The following HTT-AS variants were observed in gnomAD, a reference collection of about 807,000 sequenced individuals.
HTT-AS encodes the protein HTT antisense RNA.
downstream of HTT-AS, among the ~76,000 whole-genome samples, chr4:3,046,726 G>A (rs974945719): frequency 5.9e-5 from 9 of 151,700 alleles, no homozygotes; most frequent in Admixed American, 3.9e-4. Context: ...ATGCTGGAAC[G>A]TCCTGTTTAT....
chr4:3,061,889 G>T (rs187964554), intron 2 of HTT-AS, among the ~76,000 whole-genome samples: 1 of 150,698 alleles, frequency 6.6e-6, no homozygotes, highest in Admixed American at 6.6e-5. Context: ...GGCTGAGGCA[G>T]GAGAATGGCG....
downstream of HTT-AS, among the ~76,000 whole-genome samples, chr4:3,047,720 C>T (rs560426291): frequency 2.7e-3 from 410 of 152,344 alleles, 1 homozygote; most frequent in Middle Eastern, 0.01. Context: ...GGCCTGACAT[C>T]AGTCAGGCCC....
chr4:3,067,810 T>C (rs1186512237), intron 1 of HTT-AS, among the ~76,000 whole-genome samples: 3 of 152,150 alleles, frequency 2.0e-5, no homozygotes, highest in Non-Finnish European at 4.4e-5. Context: ...AGCCTGTTGC[T>C]AGGTTACCAA....
intron 1 of HTT-AS, among the ~76,000 whole-genome samples, chr4:3,068,305 C>CAAAA (rs759119862): frequency 7.6e-5 from 1 of 13,080 alleles, no homozygotes; most frequent in African/African-American, 2.2e-4. Flanking sequence ...GACTCTGTCT[C>CAAAA]AAAAAAAAAA....
At position 3,052,990 on chromosome 4, in the gene HTT-AS, G is replaced by A. The variant is rs1329127031; in HGVS notation, n.1381-3292C>T. Among the ~76,000 whole-genome samples, 4 of 151,002 alleles carry A rather than the reference G, an allele frequency of 2.6e-5. No homozygotes were observed. In the East Asian group the frequency reaches 5.9e-4, roughly 22 times the overall value. On this transcript the variant is annotated intron_variant and non_coding_transcript_variant, in intron 2 of 2. Coordinates refer to ENST00000664062, the Ensembl canonical transcript of HTT-AS. ...CAGCCTGGTGACAGAGCAAGACTCC[G>A]TCTCAAAAAAAAAAAAGAGACCCTT...
At chr4:3,046,962 G>C (rs1711598386), downstream of HTT-AS, among the ~76,000 whole-genome samples, 1 of 152,168 alleles carries the variant, frequency 6.6e-6, no homozygotes, top group East Asian at 1.9e-4. Flanking sequence ...GCCAAGGCAA[G>C]ACCCCGAGGG....
intron 2 of HTT-AS, among the ~76,000 whole-genome samples, chr4:3,058,463 C>T (rs1711852282): frequency 6.6e-6 from 1 of 152,174 alleles, no homozygotes; most frequent in Non-Finnish European, 1.5e-5. Context: ...GCTGTGAGAA[C>T]AACCAGAGAT....
At chr4:3,049,906 T>TCACA (rs57430954) in intron 2 of HTT-AS, among the ~76,000 whole-genome samples, 3,535 of 134,666 alleles carry the variant, frequency 0.026, 53 homozygotes, top group Middle Eastern at 0.038. Context: ...TTGTAAGTTA[T>TCACA]CACACACACA....
intron 2 of HTT-AS, among the ~76,000 whole-genome samples, chr4:3,058,970 T>C (rs1355172166): frequency 6.6e-6 from 1 of 152,160 alleles, no homozygotes; most frequent in Non-Finnish European, 1.5e-5. Flanking sequence ...TACAGCCGCG[T>C]TGGCCTCCCA....
chr4:3,056,560 T>C (rs1160141209), intron 2 of HTT-AS, among the ~76,000 whole-genome samples: 4 of 152,210 alleles, frequency 2.6e-5, no homozygotes, highest in African/African-American at 9.6e-5. Flanking sequence ...TACAGAGTCC[T>C]TCTCAGGCCA....
At chr4:3,071,745 T>C (rs1375124716) in intron 1 of HTT-AS, among the ~76,000 whole-genome samples, 2 of 152,084 alleles carry the variant, frequency 1.3e-5, no homozygotes, top group African/African-American at 4.8e-5. Context: ...GGGTGGGCCA[T>C]AATCCGACTG....
intron 1 of HTT-AS, among the ~76,000 whole-genome samples, chr4:3,069,184 C>T (rs373299969): frequency 1.5e-4 from 22 of 150,206 alleles, no homozygotes; most frequent in African/African-American, 4.9e-4. Flanking sequence ...CTCACTTTGT[C>T]ACCCAGGCTG....
At chr4:3,058,413 C>G (rs770369054) in intron 2 of HTT-AS, among the ~76,000 whole-genome samples, 5 of 152,002 alleles carry the variant, frequency 3.3e-5, no homozygotes, top group East Asian at 1.9e-4. Flanking sequence ...GGTGGGAGTG[C>G]CTTTTAGCAT....
At chr4:3,070,636 C>G (rs73086145) in intron 1 of HTT-AS, among the ~76,000 whole-genome samples, 13,379 of 152,002 alleles carry the variant, frequency 0.088, 911 homozygotes, top group African/African-American at 0.19. Flanking sequence ...GAATGGGGGA[C>G]GTTATCAGGC....
chr4:3,055,737 C>T (rs1044504485), intron 2 of HTT-AS, among the ~76,000 whole-genome samples: 2 of 152,126 alleles, frequency 1.3e-5, no homozygotes, highest in African/African-American at 4.8e-5. Flanking sequence ...ATTAATTTAG[C>T]CAATGATTTT....
At chr4:3,066,987 A>G (rs1712068535) in intron 1 of HTT-AS, among the ~76,000 whole-genome samples, 1 of 152,240 alleles carries the variant, frequency 6.6e-6, no homozygotes, top group Admixed American at 6.5e-5. Flanking sequence ...ATGTTCAAAG[A>G]GGAAATTTGC....
chr4:3,053,963 T>A (rs1711761502), intron 2 of HTT-AS, among the ~76,000 whole-genome samples: 1 of 152,010 alleles, frequency 6.6e-6, no homozygotes, highest in African/African-American at 2.4e-5. Flanking sequence ...TTTCACCATG[T>A]TGGCCAGGCT....
chr4:3,057,975 C>T (rs767634784), intron 2 of HTT-AS, among the ~76,000 whole-genome samples: 10 of 151,710 alleles, frequency 6.6e-5, no homozygotes, highest in African/African-American at 1.9e-4. Flanking sequence ...ATGAGTTTTC[C>T]GTGAAAGGGG....
At chr4:3,057,006 C>T (rs1228088959) in intron 2 of HTT-AS, among the ~76,000 whole-genome samples, 1 of 151,904 alleles carries the variant, frequency 6.6e-6, no homozygotes, top group African/African-American at 2.4e-5. Context: ...TGGAATCAGA[C>T]AGCATTTGCC....
Sources: allele counts gnomAD v4.1 joint callset (sites outside exome capture counted in the v4.1 genomes callset), GRCh38; gene constraint gnomAD v4.1.1; transcripts MANE v1.5; gene names NCBI Gene and HGNC (gene_info 2026-07-23, HGNC 2026-07-21).